The following ABCB4 variants were observed in gnomAD, a reference collection of about 807,000 sequenced individuals.
The protein encoded by ABCB4 is ATP binding cassette subfamily B member 4.
ABCB4 carries 76 observed loss-of-function variants against 145.7 expected under a neutral mutation model. That is an observed-to-expected ratio of 0.52 (90% CI 0.43 to 0.63). The LOEUF (loss-of-function observed/expected upper bound fraction) is 0.63, where lower values mean the gene tolerates loss of function less well. Ranked by LOEUF, ABCB4 falls within the 30% of genes least tolerant of loss-of-function variation. ABCB4 has a pLI of 0.00. For missense variants in ABCB4, 1,234 were observed against 1,553.1 expected, an observed-to-expected ratio of 0.79 and a Z score of 3.45; for synonymous variants, 517 against 566.8, an observed-to-expected ratio of 0.91 and a Z score of 1.25.
intron 6 of ABCB4, chr7:87,452,574 A>G: frequency 3.2e-6 from 1 of 307,712 alleles, no homozygotes; most frequent in South Asian, 3.3e-5. Flanking sequence ...TATTTGTTGA[A>G]TAAGTGAAGA....
rs532332220 is a variant in ABCB4, at chr7:87,426,832, C to T, written c.1982G>A (p.Arg661His). 69 of 1,613,888 alleles carry T rather than the reference C, an allele frequency of 4.3e-5. 1 individual carries two copies. The highest frequency in any genetic ancestry group is 3.0e-4 in the Admixed American group (18 of 59,996). Residue 661 changes from arginine to histidine, a missense_variant, in exon 16 of 28, where the codon CGC becomes CAC. Transcript: ENST00000649586. ...TRMAPNGWKS[R>H]LFRHSTQKNL... ...TTTCTGAGTAGAATGCCTAAATAGGCGAGATTTCCAGCCATTTGGGGCCAT... is the reference window on the plus strand; with the variant it reads ...TTTCTGAGTAGAATGCCTAAATAGGTGAGATTTCCAGCCATTTGGGGCCAT...
chr7:87,432,244 A>C (rs1810292347), intron 14 of ABCB4, among the ~76,000 whole-genome samples: 1 of 152,186 alleles, frequency 6.6e-6, no homozygotes, highest in Non-Finnish European at 1.5e-5. Flanking sequence ...GGGCATTTAA[A>C]CCCTGGATAA....
chr7:87,403,086 C>A, intron 27 of ABCB4, 49 bp downstream of exon 27: 1 of 1,602,046 alleles, frequency 6.2e-7, no homozygotes, highest in Non-Finnish European at 8.6e-7. Context: ...AGCAAAATCC[C>A]TTCTATTTCA....
At chr7:87,449,781 C>T (rs1214642908) in intron 8 of ABCB4, among the ~76,000 whole-genome samples, 187 bp downstream of exon 8, 1 of 152,054 alleles carries the variant, frequency 6.6e-6, no homozygotes, top group Non-Finnish European at 1.5e-5. Flanking sequence ...GTCCATGGAA[C>T]ATAAATGATT....
chr7:87,404,366 A>C (rs539989685), intron 26 of ABCB4, among the ~76,000 whole-genome samples: 1 of 152,338 alleles, frequency 6.6e-6, no homozygotes, highest in South Asian at 2.1e-4. Flanking sequence ...AAAGTGAACT[A>C]AAAATGGATC....
chr7:87,420,347 C>G (rs1262406780), intron 18 of ABCB4, among the ~76,000 whole-genome samples: 2 of 152,138 alleles, frequency 1.3e-5, no homozygotes, highest in Admixed American at 1.3e-4. Flanking sequence ...AGCTCTGACA[C>G]CACCCCATGG....
rs45567832 is a variant in ABCB4, at chr7:87,414,584, T to C, written c.2683-867A>G. Among the ~76,000 whole-genome samples the C allele has an allele frequency of 4.0e-3, 607 of 152,336 alleles. 4 individuals are homozygous for C. The highest frequency in any genetic ancestry group is 0.013 in the African/African-American group (559 of 41,572). On this transcript the variant is annotated intron_variant, in intron 21 of 27. Coordinates refer to ENST00000649586, the MANE Select transcript of ABCB4 (RefSeq NM_000443.4). ...GTTGATTGTCTGTGACTTAGCTATTTAGTCTAAATCTTAGTTCTGTAGTTG... is the reference window on the plus strand; with the variant it reads ...GTTGATTGTCTGTGACTTAGCTATTCAGTCTAAATCTTAGTTCTGTAGTTG...
intron 10 of ABCB4, among the ~76,000 whole-genome samples, chr7:87,444,430 C>T (rs1811202770): frequency 6.6e-6 from 1 of 152,088 alleles, no homozygotes; most frequent in South Asian, 2.1e-4. Context: ...TAAAATCATA[C>T]CAAACATGCA....
At chr7:87,441,201 C>T (rs1264564888) in intron 12 of ABCB4, among the ~76,000 whole-genome samples, 9 of 152,076 alleles carry the variant, frequency 5.9e-5, no homozygotes, top group Non-Finnish European at 1.3e-4. Context: ...TGTACAATGA[C>T]TGGATTTGCT....
In ABCB4 at chr7:87,444,915, C is replaced by T; in HGVS notation, c.1066G>A (p.Ala356Thr). 1.2e-6 allele frequency: 2 copies of T among 1,608,550 alleles called. No individual in the cohort carries two copies. Among genetic ancestry groups the T allele is most frequent in the Admixed American group, 1.7e-5 (1 of 59,910 alleles). ...SVGQAAPCID[A>T]FANARGAAYV... Reference sequence around the variant, plus strand: ...GCTGCTCCTCTTGCATTGGCAAAAGCATCAATACATGGGGCAGCCTGGCCA... The same window carrying T: ...GCTGCTCCTCTTGCATTGGCAAAAGTATCAATACATGGGGCAGCCTGGCCA... The change falls in exon 10 of 28, where the codon GCT becomes ACT. Residue 356 changes from alanine (A) to threonine (T), a missense_variant. Physicochemically the swap from Ala to Thr is moderately conservative, Grantham distance 58. Around this residue, in one of 7 missense-constraint regions of ABCB4, gnomAD observed 467 missense variants for 632.8 expected, o/e 0.74. Transcript: ENST00000649586.
chr7:87,433,050 A>G (rs1810352312), intron 14 of ABCB4, among the ~76,000 whole-genome samples: 1 of 152,226 alleles, frequency 6.6e-6, no homozygotes, highest in Non-Finnish European at 1.5e-5. Flanking sequence ...CCAAATGGAG[A>G]GTCCAGAAAT....
chr7:87,443,581 C>T (rs1397363343), intron 11 of ABCB4, 82 bp downstream of exon 11: 1 of 1,527,138 alleles, frequency 6.5e-7, no homozygotes, highest in East Asian at 2.3e-5. Flanking sequence ...ACATAAGTAT[C>T]AAAATAATAG....
chr7:87,395,982 G>T, the ABCB4 span, among the ~76,000 whole-genome samples: 1 of 152,198 alleles, frequency 6.6e-6, no homozygotes, highest in Non-Finnish European at 1.5e-5. Context: ...AAGAAGTCAT[G>T]AAAGCAGTCA....
At chr7:87,374,511 CAG>C in the ABCB4 span, among the ~76,000 whole-genome samples, 1 of 151,946 alleles carries the variant, frequency 6.6e-6, no homozygotes, top group Admixed American at 6.6e-5. Flanking sequence ...TTTAGAAATT[CAG>C]AGTTTATGCT....
chr7:87,450,651 T>C lies in ABCB4; in HGVS notation c.709-559A>G, dbSNP rs893227134. Among the ~76,000 whole-genome samples the C allele has an allele frequency of 4.6e-5, 7 of 152,196 alleles. 1 individual carries two copies. Among genetic ancestry groups the C allele is most frequent in the Admixed American group, 1.3e-4 (2 of 15,298 alleles). Reference sequence around the variant, plus strand: ...ACGCCTGGCTAATTATTTGTATTTTTAGTAGAGACAGGGTTTCACTGTGTT... The same window carrying C: ...ACGCCTGGCTAATTATTTGTATTTTCAGTAGAGACAGGGTTTCACTGTGTT... On this transcript the variant is annotated intron_variant, in intron 7 of 27. Transcript: ENST00000649586.
chr7:87,373,409 A>G, the ABCB4 span, among the ~76,000 whole-genome samples: 5 of 152,024 alleles, frequency 3.3e-5, no homozygotes, highest in Non-Finnish European at 7.4e-5. Context: ...TTGATGCACA[A>G]TATTTTTCGT....
intron 20 of ABCB4, among the ~76,000 whole-genome samples, chr7:87,418,229 C>T (rs1366831526): frequency 6.6e-6 from 1 of 152,214 alleles, no homozygotes; most frequent in African/African-American, 2.4e-5. Flanking sequence ...TGTGTGCTCT[C>T]TTTCACTGGA....
At chr7:87,386,820 T>C in the ABCB4 span, among the ~76,000 whole-genome samples, 5 of 152,160 alleles carry the variant, frequency 3.3e-5, no homozygotes, top group South Asian at 4.1e-4. Flanking sequence ...GTTTTGTTCA[T>C]TGGGGATTGC....
At chr7:87,426,090 C>CA (rs1198404960) in intron 16 of ABCB4, among the ~76,000 whole-genome samples, 1 of 151,714 alleles carries the variant, frequency 6.6e-6, no homozygotes, top group East Asian at 1.9e-4. Flanking sequence ...GAATTATGAC[C>CA]AATGACTTAT....
Sources: gnomAD v4.1 joint callset for allele counts (sites outside exome capture counted in the v4.1 genomes callset) on GRCh38, gnomAD v4.1.1 for gene constraint, gnomAD v4.1.1 regional missense constraint, MANE v1.5 for transcripts, NCBI Gene and HGNC (gene_info 2026-07-23, HGNC 2026-07-21) for gene names.